Variants in HERC1 observed in about 807,000 individuals in gnomAD.
HERC1 encodes probable E3 ubiquitin-protein ligase HERC1.
Under a neutral mutation model 554.3 loss-of-function variants are expected in HERC1, and 160 were observed. That is an observed-to-expected ratio of 0.29 (90% CI 0.25 to 0.33). The LOEUF is 0.33. Among genes scored for constraint, HERC1 ranks in the 10% least tolerant of loss-of-function variants. The pLI is 1.00. For missense variants in HERC1, 4,919 were observed against 5,918.5 expected (o/e 0.83, Z 5.54); for synonymous variants, 2,175 against 2,131.7 (o/e 1.02, Z -0.56).
intron 12 of HERC1, among the ~76,000 whole-genome samples, chr15:63,743,052 G>A (rs2074876025): frequency 6.6e-6 from 1 of 152,048 alleles, no homozygotes; most frequent in Admixed American, 6.6e-5. Context: ...TGAAGAACTA[G>A]TCTTAATCCT....
Position 63,663,224 on chromosome 15 carries a change from G to A in HERC1, c.8681-20C>T. On this transcript the variant is annotated intron_variant, in intron 43 of 77. Transcript: ENST00000443617. ...ATCCCGCTCAGAACAAAACAAAAAAGGCATTTTATTTGCATGCATAAAATA... is the reference window on the plus strand; with the variant it reads ...ATCCCGCTCAGAACAAAACAAAAAAAGCATTTTATTTGCATGCATAAAATA... 5 of 1,597,118 alleles carry A rather than the reference G, an allele frequency of 3.1e-6. No homozygotes were observed. The highest frequency in any genetic ancestry group is 4.3e-6 in the Non-Finnish European group (5 of 1,167,728).
intron 24 of HERC1, among the ~76,000 whole-genome samples, chr15:63,708,753 T>C (rs866942354): frequency 1.3e-5 from 2 of 152,236 alleles, no homozygotes; most frequent in Non-Finnish European, 2.9e-5. Context: ...ATCAAAGATA[T>C]GAACGGTAAT....
chr15:63,622,639 C>A (rs1018321418), intron 74 of HERC1, among the ~76,000 whole-genome samples, 176 bp downstream of exon 74: 1 of 152,098 alleles, frequency 6.6e-6, no homozygotes, highest in Admixed American at 6.6e-5. Flanking sequence ...GGCCTGTTTC[C>A]TCATCTTTGA....
At chr15:63,649,604 A>G (rs1471273841) in intron 54 of HERC1, 121 bp downstream of exon 54, 2 of 757,478 alleles carry the variant, frequency 2.6e-6, no homozygotes, top group African/African-American at 3.5e-5. Flanking sequence ...CATGACTGGA[A>G]AATTTTGAAA....
intron 1 of HERC1, among the ~76,000 whole-genome samples, chr15:63,831,333 C>A (rs565673085): frequency 2.4e-4 from 37 of 152,168 alleles, no homozygotes; most frequent in Non-Finnish European, 5.0e-4. Flanking sequence ...TCTTAAACTC[C>A]TGGGCTCAAG....
chr15:63,723,358 A>T lies in HERC1; in HGVS notation c.3569-3T>A. On this transcript the variant is annotated splice_region_variant and splice_polypyrimidine_tract_variant and intron_variant, in intron 18 of 77. Coordinates refer to ENST00000443617, the MANE Select transcript of HERC1 (RefSeq NM_003922.4). ...TAACAGGCAACTCATACATTTATCT[A>T]AAAAAAATACTCACGTTACCAATTT... 1 of 1,477,740 alleles carries T rather than the reference A, an allele frequency of 6.8e-7. No individual in the cohort carries two copies. Among genetic ancestry groups the T allele is most frequent in the Non-Finnish European group, 9.1e-7 (1 of 1,095,432 alleles). 91.5% of individuals were successfully genotyped at this position (1,477,740 alleles called of 1,614,324 possible).
intron 1 of HERC1, among the ~76,000 whole-genome samples, chr15:63,803,550 A>C (rs1015902534): frequency 2.6e-5 from 4 of 152,182 alleles, no homozygotes; most frequent in Admixed American, 6.5e-5. Context: ...TGCCTCCTAA[A>C]GTGCTAGGAT....
chr15:63,663,228 T>A (rs2070445489), intron 43 of HERC1, 24 bp from the exon 44 acceptor site: 4 of 1,590,390 alleles, frequency 2.5e-6, no homozygotes, highest in Non-Finnish European at 3.4e-6. Flanking sequence ...AAAAAAGGCA[T>A]TTTATTTGCA....
At chr15:63,642,927 C>A (rs1349509430) in intron 59 of HERC1, 30 bp downstream of exon 59, 3 of 1,274,908 alleles carry the variant, frequency 2.4e-6, no homozygotes, top group Admixed American at 1.8e-5. Flanking sequence ...CAAGCTTACA[C>A]CCTATCATTT....
At position 63,666,024 on chromosome 15, in the gene HERC1, GCTGCTCCAGGCCT is replaced by G; in HGVS notation, c.8437_8449del (p.Arg2813ProfsTer3). ...TGACTTCCCGCCACTGCCTAGAACGGCTGCTCCAGGCCTAGAGTCTGCTGTGCTGCCCGACTGG... is the reference window on the plus strand; with the variant it reads ...TGACTTCCCGCCACTGCCTAGAACGGAGAGTCTGCTGTGCTGCCCGACTGG... On this transcript the variant is annotated frameshift_variant, in exon 42 of 78. Coordinates refer to ENST00000443617, the MANE Select transcript of HERC1 (RefSeq NM_003922.4). LOFTEE classifies it high-confidence loss of function. 2 of 1,613,986 alleles carry G rather than the reference GCTGCTCCAGGCCT, an allele frequency of 1.2e-6. No individual in the cohort carries two copies. The highest frequency in any genetic ancestry group is 2.7e-5 in the African/African-American group (2 of 75,040).
At chr15:63,829,801 A>G (rs4776363) in intron 1 of HERC1, among the ~76,000 whole-genome samples, 122,102 of 151,306 alleles carry the variant, frequency 0.81, 51,032 homozygotes, top group Non-Finnish European at 0.87. Context: ...AGAATATAAG[A>G]AAGTGCTTGA....
chr15:63,638,820 G>A (rs757520941), intron 61 of HERC1, 44 bp from the exon 62 acceptor site: 1 of 1,394,500 alleles, frequency 7.2e-7, no homozygotes, highest in Admixed American at 1.7e-5. Flanking sequence ...GCTTAGGCAA[G>A]ATGCACCTGC....
intron 3 of HERC1, among the ~76,000 whole-genome samples, chr15:63,761,518 T>C (rs1050866452): frequency 1.0e-4 from 15 of 146,260 alleles, no homozygotes; most frequent in African/African-American, 5.1e-5. Flanking sequence ...GCCCAGGAGA[T>C]AGAAGCTGCA....
chr15:63,652,396 C>T lies in HERC1; in HGVS notation c.10418+18G>A, dbSNP rs764999093. 1.8e-5 allele frequency: 29 copies of T among 1,609,352 alleles called. No homozygotes were observed. Among genetic ancestry groups the T allele is most frequent in the Admixed American group, 8.4e-5 (5 of 59,774 alleles). On this transcript the variant is annotated intron_variant, in intron 52 of 77. Transcript: ENST00000443617. ...ATTCTCTTATTTTAAATGGTATACACGTGATGTTAGCACTCACAATCTGTT... is the reference window on the plus strand; with the variant it reads ...ATTCTCTTATTTTAAATGGTATACATGTGATGTTAGCACTCACAATCTGTT...
chr15:63,662,930 G>A, intron 44 of HERC1, 54 bp downstream of exon 44: 1 of 1,374,370 alleles, frequency 7.3e-7, no homozygotes, highest in South Asian at 1.2e-5. Flanking sequence ...TAAGCTATAT[G>A]AACAGGAGGG....
rs1203066565 is a variant in HERC1 at position 63,782,451 on chromosome 15, T to G, written c.-26-6802A>C. Among the ~76,000 whole-genome samples, 3 of 152,176 alleles carry G rather than the reference T, an allele frequency of 2.0e-5. No homozygotes were observed. The East Asian group carries it at 5.8e-4, about 29-fold the overall frequency. On this transcript the variant is annotated intron_variant, in intron 1 of 77. Coordinates refer to ENST00000443617, the MANE Select transcript of HERC1 (RefSeq NM_003922.4). ...TTTACTACACAGTTTACTAAATATT[T>G]TAAGCCCACTGTTAAGACCTACAGC...
At chr15:63,767,562 G>C (rs2075820925) in intron 2 of HERC1, among the ~76,000 whole-genome samples, 1 of 152,088 alleles carries the variant, frequency 6.6e-6, no homozygotes, top group Non-Finnish European at 1.5e-5. Context: ...GCCGGGCGTG[G>C]TGGCGGGCAC....
At chr15:63,672,432 G>T in intron 39 of HERC1, 64 bp downstream of exon 39, 1 of 1,177,660 alleles carries the variant, frequency 8.5e-7, no homozygotes, top group Non-Finnish European at 1.2e-6. Flanking sequence ...ATTCATATGA[G>T]GACAACTGTG....
At chr15:63,641,784 T>TA in intron 59 of HERC1, 141 bp from the exon 60 acceptor site, 1 of 623,322 alleles carries the variant, frequency 1.6e-6, no homozygotes, top group Admixed American at 3.5e-5. Context: ...GGCTATGCTT[T>TA]TAATGCCTAT....
Sources: allele counts gnomAD v4.1 joint callset (sites outside exome capture counted in the v4.1 genomes callset), GRCh38; gene constraint gnomAD v4.1.1; transcripts MANE v1.5; gene names NCBI Gene and HGNC (gene_info 2026-07-23, HGNC 2026-07-21).